The following DNAH6 variants were observed in gnomAD, a reference collection of about 807,000 sequenced individuals.
DNAH6 encodes dynein axonemal heavy chain 6.
Under a neutral mutation model 491.4 loss-of-function variants are expected in DNAH6, and 340 were observed. The observed-to-expected ratio is 0.69, with a 90% CI of 0.63 to 0.76. The LOEUF is 0.76. Ranked by LOEUF, DNAH6 falls within the 30% of genes least tolerant of loss-of-function variation. The pLI is 0.00. For missense variants in DNAH6, 4,443 were observed against 4,972.2 expected (o/e 0.89, Z 3.20); for synonymous variants, 1,603 against 1,686.1 (o/e 0.95, Z 1.21).
Position 84,653,735 on chromosome 2 carries a change from A to G in DNAH6, c.5495A>G (p.His1832Arg), listed in dbSNP as rs1690678404. The G allele has an allele frequency of 6.4e-7, 1 of 1,551,390 alleles. No homozygotes were observed. The highest frequency in any genetic ancestry group is 1.2e-5 in the South Asian group (1 of 84,056). ...GCTGTGAATGATACTTCAGAAGACC[A>G]TAAATGGATCATCAGTGATGGGCCA... ...RAAVNDTSED[H>R]KWIISDGPVD... Residue 1832 changes from histidine (H) to arginine (R), a missense_variant, in exon 34 of 77, where the codon CAT (histidine) becomes CGT (arginine). Transcript: ENST00000389394.
At chr2:84,461,923 C>T in the DNAH6 span, among the ~76,000 whole-genome samples, 2 of 152,256 alleles carry the variant, frequency 1.3e-5, no homozygotes, top group Admixed American at 1.3e-4. Context: ...ACCCCCACAT[C>T]CCAGCCGGCT....
chr2:84,483,118 G>A, the DNAH6 span, among the ~76,000 whole-genome samples: 2 of 151,992 alleles, frequency 1.3e-5, no homozygotes, highest in East Asian at 1.9e-4. Flanking sequence ...GTGGCACCAT[G>A]CCTGGCTAAT....
the DNAH6 span, among the ~76,000 whole-genome samples, chr2:84,471,005 T>G: frequency 1.1e-4 from 16 of 152,008 alleles, no homozygotes; most frequent in African/African-American, 3.6e-4. Flanking sequence ...AGTTTAGCAT[T>G]TATATGGAAC....
Position 84,584,137 on chromosome 2 carries a change from A to C in DNAH6, c.2368A>C (p.Ile790Leu). 6.2e-7 allele frequency: 1 copy of C among 1,614,190 alleles called. No individual in the cohort carries two copies. Among genetic ancestry groups the C allele is most frequent in the Non-Finnish European group, 8.5e-7 (1 of 1,180,026 alleles). ...KPSIVAVRNA[I>L]DKSVGDRESS... ...ATCCATTGTTGCTGTTCGGAATGCC[A>C]TTGATAAATCAGTGGGTGATAGAGA... The change falls in exon 15 of 77, where the codon ATT becomes CTT. Residue 790 changes from isoleucine to leucine, a missense_variant. Ile to Leu is a conservative substitution (Grantham distance 5). Around this residue, in one of 3 missense-constraint regions of DNAH6, gnomAD observed 2,977 missense variants for 3,296.6 expected, o/e 0.90. Coordinates refer to ENST00000389394, the MANE Select transcript of DNAH6 (RefSeq NM_001370.2).
chr2:84,663,648 A>C (rs1293720901), intron 37 of DNAH6, among the ~76,000 whole-genome samples: 1 of 152,194 alleles, frequency 6.6e-6, no homozygotes, highest in African/African-American at 2.4e-5. Flanking sequence ...GACGGGGAGA[A>C]TGGAACCAAG....
chr2:84,611,242 CT>C (rs1477246484), intron 21 of DNAH6, among the ~76,000 whole-genome samples: 2 of 148,570 alleles, frequency 1.3e-5, no homozygotes, highest in African/African-American at 5.1e-5. Flanking sequence ...AAAAAATTTT[CT>C]TTTTTAAAGA....
Position 84,577,339 on chromosome 2 carries a change from A to G in DNAH6, c.2007A>G (p.Val669=). 2 of 1,612,396 alleles carry G rather than the reference A, an allele frequency of 1.2e-6. No homozygotes were observed. The highest frequency in any genetic ancestry group is 1.3e-5 in the African/African-American group (1 of 75,012). ...TAGCGCTCAGACCCACCAGAAATGT[A>G]GGATTGCTGCTCATTGATACTAGGC... ...DAVALRPTRN[V]GLLLIDTRLL... The change falls in exon 13 of 77, where the codon GTA becomes GTG. Residue 669 remains valine (V), a synonymous_variant. Transcript: ENST00000389394.
chr2:84,585,672 G>A (rs1232857516), intron 15 of DNAH6, among the ~76,000 whole-genome samples: 1 of 151,982 alleles, frequency 6.6e-6, no homozygotes, highest in African/African-American at 2.4e-5. Context: ...CTAGCAGAGA[G>A]GAGACCCTGA....
chr2:84,647,623 C>T (rs1690026166), intron 33 of DNAH6, among the ~76,000 whole-genome samples: 1 of 152,188 alleles, frequency 6.6e-6, no homozygotes, highest in Non-Finnish European at 1.5e-5. Flanking sequence ...GCATGGATGA[C>T]AGTATGTCTG....
chr2:84,475,198 T>C, the DNAH6 span, among the ~76,000 whole-genome samples: 5 of 152,158 alleles, frequency 3.3e-5, no homozygotes, highest in African/African-American at 9.7e-5. Flanking sequence ...TGGGGACCTT[T>C]TTTGGTGGCT....
chr2:84,600,952 A>G (rs1472207711), intron 18 of DNAH6, among the ~76,000 whole-genome samples: 1 of 143,354 alleles, frequency 7.0e-6, no homozygotes, highest in African/African-American at 2.8e-5. Context: ...GTATAATACT[A>G]TAAGGAATAA....
intron 72 of DNAH6, among the ~76,000 whole-genome samples, chr2:84,809,250 A>T (rs184501497): frequency 1.3e-5 from 2 of 152,366 alleles, no homozygotes; most frequent in Non-Finnish European, 2.9e-5. Context: ...ATTGACAGGA[A>T]AAGTGTTACT....
Position 84,701,079 on chromosome 2 carries a change from T to C in DNAH6, c.7819-18T>C. ...GAAATGACACAACAGATTTTCTAGA[T>C]TTTTCCTTGATTCACAGTGGCCCAG... On this transcript the variant is annotated intron_variant, in intron 48 of 76. Transcript: ENST00000389394. 6.5e-7 allele frequency: 1 copy of C among 1,544,242 alleles called. No individual in the cohort carries two copies. The highest frequency in any genetic ancestry group is 8.8e-7 in the Non-Finnish European group (1 of 1,140,952).
At chr2:84,607,729 A>G (rs1044568943) in intron 21 of DNAH6, among the ~76,000 whole-genome samples, 6 of 152,204 alleles carry the variant, frequency 3.9e-5, no homozygotes, top group Admixed American at 6.5e-5. Context: ...GCTAACTATT[A>G]TCTGAGCCTT....
rs560492441 is a variant in DNAH6 at position 84,796,276 on chromosome 2, A to G, written c.11240-30A>G. 2.1e-5 allele frequency: 30 copies of G among 1,415,882 alleles called. 1 individual carries two copies. The South Asian group carries it at 2.6e-4, about 12-fold the overall frequency. 87.7% of individuals were successfully genotyped at this position (1,415,882 alleles called of 1,614,324 possible). ...TGCCTATCAATTTTTTAAAAACAGC[A>G]ATAATTTCAAAATACAAATTTCTTT... On this transcript the variant is annotated intron_variant, in intron 68 of 76. Coordinates refer to ENST00000389394, the MANE Select transcript of DNAH6 (RefSeq NM_001370.2).
At chr2:84,653,965 A>G (rs1310294498) in intron 34 of DNAH6, 91 bp downstream of exon 34, 18 of 1,007,958 alleles carry the variant, frequency 1.8e-5, no homozygotes, top group African/African-American at 1.1e-4. Flanking sequence ...AGCCTTTACT[A>G]TCTATAATGT....
intron 29 of DNAH6, 39 bp downstream of exon 29, chr2:84,625,102 T>TTGCC: frequency 6.9e-7 from 1 of 1,446,272 alleles, no homozygotes; most frequent in African/African-American, 1.4e-5. Flanking sequence ...TTAAGTGTTT[T>TTGCC]ATGTGTCTTT....
At chr2:84,496,091 G>T in the DNAH6 span, among the ~76,000 whole-genome samples, 1 of 152,046 alleles carries the variant, frequency 6.6e-6, no homozygotes, top group Non-Finnish European at 1.5e-5. Flanking sequence ...AATAAATAAG[G>T]CCCCAAATCT....
At chr2:84,647,714 G>A (rs1690034095) in intron 33 of DNAH6, among the ~76,000 whole-genome samples, 1 of 152,166 alleles carries the variant, frequency 6.6e-6, no homozygotes, top group African/African-American at 2.4e-5. Flanking sequence ...TGTGGCTGCA[G>A]AATTTAACCC....
Sources: allele counts gnomAD v4.1 joint callset (sites outside exome capture counted in the v4.1 genomes callset), GRCh38; gene constraint gnomAD v4.1.1; regional missense constraint gnomAD v4.1.1; transcripts MANE v1.5; gene names NCBI Gene and HGNC (gene_info 2026-07-23, HGNC 2026-07-21).